Variants in IGSF21 observed in about 807,000 individuals in gnomAD.
IGSF21 encodes immunoglobulin superfamily member 21.
In IGSF21, 28 loss-of-function variants were observed where a neutral mutation model predicts 46.8. That is an observed-to-expected ratio of 0.60 (90% CI 0.44 to 0.82). The LOEUF is 0.82. IGSF21 is among the 40% of genes least tolerant of loss of function. The probability of loss-of-function intolerance (pLI) is 0.00; values close to 1 mark genes in which losing one functional copy is unlikely to be tolerated. For missense variants in IGSF21, 624 were observed against 665.5 expected, an observed-to-expected ratio of 0.94 and a Z score of 0.69; for synonymous variants, 284 against 273.6, an observed-to-expected ratio of 1.04 and a Z score of -0.38.
At chr1:18,174,589 CG>C (rs1198091316) in intron 1 of IGSF21, among the ~76,000 whole-genome samples, 1 of 152,274 alleles carries the variant, frequency 6.6e-6, no homozygotes, top group African/African-American at 2.4e-5. Context: ...GCGTGCCACC[CG>C]ACTTCCCCCT....
intron 2 of IGSF21, among the ~76,000 whole-genome samples, chr1:18,239,416 A>G (rs1187348607): frequency 6.6e-6 from 1 of 152,056 alleles, no homozygotes; most frequent in Non-Finnish European, 1.5e-5. Context: ...GTGCTTTTCT[A>G]AAACACATAT....
chr1:18,362,046 G>A, intron 4 of IGSF21, 69 bp from the exon 5 acceptor site: 1 of 1,131,994 alleles, frequency 8.8e-7, no homozygotes, highest in South Asian at 1.4e-5. Context: ...GCCCATCTTA[G>A]GTCATCAGTG....
rs1462165900 is a variant in IGSF21, at chr1:18,337,015, AG to A, written c.424+2007del. 2.0e-5 allele frequency among the ~76,000 whole-genome samples: 3 copies of A among 152,226 alleles called. No individual in the cohort carries two copies. The highest frequency in any genetic ancestry group is 2.0e-4 in the Admixed American group (3 of 15,284). On this transcript the variant is annotated intron_variant, in intron 4 of 9. Transcript: ENST00000251296. The surrounding 1 kb of genome is among the most constrained non-coding windows in gnomAD (Gnocchi z 5.7). ...CCCTATGATTCAGTTATCTCCCACT[AG>A]GTCCCTCCTACAACACATGGGAATT...
intron 2 of IGSF21, among the ~76,000 whole-genome samples, chr1:18,266,389 C>T (rs140867218): frequency 1.0e-3 from 152 of 152,324 alleles, no homozygotes; most frequent in African/African-American, 3.3e-3. Context: ...AACACTTGGA[C>T]ACAGAGCCTC....
At chr1:18,204,570 C>CA (rs1285393014) in intron 1 of IGSF21, among the ~76,000 whole-genome samples, 1 of 152,080 alleles carries the variant, frequency 6.6e-6, no homozygotes, top group Non-Finnish European at 1.5e-5. Context: ...AATGTGTGCT[C>CA]AGAGGTGGAG....
intron 2 of IGSF21, among the ~76,000 whole-genome samples, chr1:18,286,265 G>A (rs10907301): frequency 0.69 from 105,596 of 152,180 alleles, 40,370 homozygotes; most frequent in East Asian, 0.97. Context: ...TTTCTTGGCC[G>A]TGGTTCCTGT....
chr1:18,156,416 G>A (rs565180995), intron 1 of IGSF21, among the ~76,000 whole-genome samples: 3 of 152,312 alleles, frequency 2.0e-5, no homozygotes, highest in African/African-American at 7.2e-5. Context: ...AAATCAGAGA[G>A]GCTTAAGGAA....
intron 2 of IGSF21, among the ~76,000 whole-genome samples, chr1:18,249,445 G>A (rs1044399362): frequency 6.6e-6 from 1 of 152,160 alleles, no homozygotes; most frequent in African/African-American, 2.4e-5. Flanking sequence ...GAACGTGGAG[G>A]CTGCTTCACC....
intron 2 of IGSF21, among the ~76,000 whole-genome samples, chr1:18,264,409 C>G (rs2084972940): frequency 6.6e-6 from 1 of 152,182 alleles, no homozygotes; most frequent in Non-Finnish European, 1.5e-5. Context: ...TTATTAATGA[C>G]ATTTGAATAC....
intron 1 of IGSF21, among the ~76,000 whole-genome samples, chr1:18,174,328 C>T (rs951555070): frequency 1.3e-5 from 2 of 152,198 alleles, no homozygotes; most frequent in African/African-American, 4.8e-5. Context: ...CGTGTCTAAG[C>T]GTCTTCACAG....
intron 2 of IGSF21, among the ~76,000 whole-genome samples, chr1:18,263,203 G>T (rs1215830251): frequency 6.6e-6 from 1 of 152,154 alleles, no homozygotes; most frequent in Non-Finnish European, 1.5e-5. Context: ...AGTTTTTCTA[G>T]TTTATAATAG....
chr1:18,328,733 T>C (rs1228358581), intron 3 of IGSF21, among the ~76,000 whole-genome samples: 1 of 152,200 alleles, frequency 6.6e-6, no homozygotes, highest in Non-Finnish European at 1.5e-5. Context: ...ATCACTTGGT[T>C]CTTCAACAGC....
intron 1 of IGSF21, among the ~76,000 whole-genome samples, chr1:18,205,581 A>G (rs2084310724): frequency 6.6e-6 from 1 of 152,224 alleles, no homozygotes; most frequent in South Asian, 2.1e-4. Context: ...TCGCAGAATC[A>G]GCTTTGGAAA....
At chr1:18,266,177 T>A (rs2124541168) in intron 2 of IGSF21, among the ~76,000 whole-genome samples, 1 of 152,266 alleles carries the variant, frequency 6.6e-6, no homozygotes, top group South Asian at 2.1e-4. Flanking sequence ...CATTTAATCT[T>A]CACAAGACCC....
chr1:18,172,098 T>C (rs2124459838), intron 1 of IGSF21, among the ~76,000 whole-genome samples: 1 of 152,320 alleles, frequency 6.6e-6, no homozygotes, highest in East Asian at 1.9e-4. Context: ...GAAAGAAAGA[T>C]AGACTTGGGA....
intron 4 of IGSF21, among the ~76,000 whole-genome samples, chr1:18,350,886 C>T (rs993389034): frequency 3.9e-5 from 6 of 152,254 alleles, no homozygotes; most frequent in African/African-American, 1.4e-4. Context: ...GCCAGGAGTG[C>T]GGTGGGGGGT....
intron 3 of IGSF21, among the ~76,000 whole-genome samples, chr1:18,311,245 AAG>A (rs2085485857): frequency 6.6e-6 from 1 of 152,056 alleles, no homozygotes; most frequent in African/African-American, 2.4e-5. Context: ...CTGTTTCTGA[AAG>A]TGTCCACCAT....
At chr1:18,235,535 G>A (rs1263935144) in intron 2 of IGSF21, among the ~76,000 whole-genome samples, 1 of 152,210 alleles carries the variant, frequency 6.6e-6, no homozygotes, top group African/African-American at 2.4e-5. Context: ...AGGGAAGAAG[G>A]CAGAATAATC....
chr1:18,153,959 A>G (rs9662832), intron 1 of IGSF21, among the ~76,000 whole-genome samples: 19,037 of 152,136 alleles, frequency 0.13, 1,238 homozygotes, highest in Middle Eastern at 0.21. Context: ...AGCAGGGAAG[A>G]GTCTTGCCCG....
Sources: gnomAD v4.1 joint callset for allele counts (sites outside exome capture counted in the v4.1 genomes callset) on GRCh38, gnomAD v4.1.1 for gene constraint, Gnocchi (gnomAD v3.1) non-coding constraint, MANE v1.5 for transcripts, NCBI Gene and HGNC (gene_info 2026-07-23, HGNC 2026-07-21) for gene names.